ZBTB20: variants seen among roughly 807,000 people sequenced by gnomAD.
ZBTB20 encodes zinc finger and BTB domain-containing protein 20.
A neutral mutation model predicts 56.9 loss-of-function variants in ZBTB20; 9 were observed. The ratio of observed to expected loss-of-function variants is 0.16; its 90% confidence interval spans 0.10 to 0.28. The LOEUF (loss-of-function observed/expected upper bound fraction) is 0.28. Ranked by LOEUF, ZBTB20 falls within the 10% of genes least tolerant of loss-of-function variation. The pLI is 1.00. For synonymous variants in ZBTB20, 417 were observed against 420.7 expected, an observed-to-expected ratio of 0.99 and a Z score of 0.11; for missense variants, 655 against 1,003.0, an observed-to-expected ratio of 0.65 and a Z score of 4.69.
Position 114,316,685 on chromosome 3 carries a change from TTTTCAATGCAGAAAAACTGTAA to T in ZBTB20, c.*22298_*22319del. 2.5e-6 allele frequency: 1 copy of T among 402,602 alleles called. No homozygotes were observed. The highest frequency in any genetic ancestry group is 2.0e-5 in the South Asian group (1 of 51,100). The allele number at this position is 402,602 out of a possible 1,614,324, so 24.9% of individuals were successfully genotyped here. On this transcript the variant is annotated 3_prime_UTR_variant, in exon 12 of 12. Transcript: ENST00000675478. ...GCTTTAATTTATTTTTTAAAGTGCA[TTTTCAATGCAGAAAAACTGTAA>T]TCCACTGATTCCTTGGAAAACATTT...
At chr3:114,843,840 C>A (rs1438926515) in intron 4 of ZBTB20, among the ~76,000 whole-genome samples, 4 of 48,288 alleles carry the variant, frequency 8.3e-5, no homozygotes, top group African/African-American at 1.9e-4. Flanking sequence ...TCACACCCGG[C>A]TAATTTTTTT....
intron 4 of ZBTB20, among the ~76,000 whole-genome samples, chr3:114,876,909 AC>A (rs1371120896): frequency 6.6e-6 from 1 of 152,176 alleles, no homozygotes; most frequent in African/African-American, 2.4e-5. Context: ...AGTACAGTGT[AC>A]TATTTATTAA....
At chr3:114,864,221 G>C (rs867652156) in intron 4 of ZBTB20, among the ~76,000 whole-genome samples, 4 of 151,962 alleles carry the variant, frequency 2.6e-5, no homozygotes, top group Admixed American at 6.6e-5. Context: ...TGATAAAACA[G>C]CCCCAGGAAT....
At chr3:114,524,472 G>A (rs2046988160) in intron 6 of ZBTB20, among the ~76,000 whole-genome samples, 1 of 151,916 alleles carries the variant, frequency 6.6e-6, no homozygotes. Context: ...GAGTGTTAGT[G>A]AGCTAGGGGC....
chr3:114,831,364 T>C (rs1025171818), intron 4 of ZBTB20, among the ~76,000 whole-genome samples: 3 of 151,918 alleles, frequency 2.0e-5, no homozygotes, highest in African/African-American at 7.2e-5. Context: ...CCTTGGTGAA[T>C]ATATTTAAAG....
At chr3:114,981,419 T>C (rs192260011) in intron 2 of ZBTB20, among the ~76,000 whole-genome samples, 2 of 152,242 alleles carry the variant, frequency 1.3e-5, no homozygotes, top group Admixed American at 6.6e-5. Context: ...ACAAGGTATT[T>C]GAGCTTTGAA....
intron 6 of ZBTB20, among the ~76,000 whole-genome samples, chr3:114,609,380 T>C (rs915098115): frequency 1.3e-5 from 2 of 152,246 alleles, no homozygotes; most frequent in Non-Finnish European, 2.9e-5. Flanking sequence ...ACTGTAGTTA[T>C]ATTACAAATT....
chr3:114,829,777 C>T (rs781385667), intron 4 of ZBTB20, among the ~76,000 whole-genome samples: 1 of 151,810 alleles, frequency 6.6e-6, no homozygotes, highest in Non-Finnish European at 1.5e-5. Context: ...TATGGCAGGT[C>T]TTACTCAGAG....
intron 7 of ZBTB20, among the ~76,000 whole-genome samples, chr3:114,469,156 T>C (rs1034372065): frequency 2.0e-5 from 3 of 152,004 alleles, no homozygotes; most frequent in African/African-American, 7.2e-5. Context: ...ATGCAGCTCA[T>C]AGGCCACTGA....
chr3:114,431,889 C>A (rs956311536), intron 7 of ZBTB20, among the ~76,000 whole-genome samples: 5 of 152,140 alleles, frequency 3.3e-5, no homozygotes, highest in African/African-American at 1.2e-4. Flanking sequence ...ACAGCATTCA[C>A]AGTAGCTTTT....
At chr3:115,107,635 A>G (rs1164834982) in intron 1 of ZBTB20, among the ~76,000 whole-genome samples, 1 of 152,180 alleles carries the variant, frequency 6.6e-6, no homozygotes, top group Non-Finnish European at 1.5e-5. Context: ...CCACAATCCC[A>G]TTACTGGGTA....
chr3:114,424,882 T>G (rs1334679985), intron 7 of ZBTB20, among the ~76,000 whole-genome samples: 1 of 152,226 alleles, frequency 6.6e-6, no homozygotes, highest in Non-Finnish European at 1.5e-5. Context: ...CAAACCGGCC[T>G]CTCAGTTTAG....
intron 6 of ZBTB20, among the ~76,000 whole-genome samples, chr3:114,551,800 C>T (rs568487736): frequency 2.0e-5 from 3 of 152,302 alleles, no homozygotes; most frequent in East Asian, 1.9e-4. Context: ...ATAGAGTAGA[C>T]GTGTCCCAAT....
intron 6 of ZBTB20, among the ~76,000 whole-genome samples, chr3:114,605,985 G>C (rs865808276): frequency 6.6e-6 from 1 of 152,168 alleles, no homozygotes; most frequent in Non-Finnish European, 1.5e-5. Flanking sequence ...AAGGTGATAA[G>C]GGAAGGCGGA....
chr3:114,763,556 C>T (rs1370591336), intron 5 of ZBTB20, among the ~76,000 whole-genome samples: 4 of 152,060 alleles, frequency 2.6e-5, no homozygotes, highest in Admixed American at 2.6e-4. Flanking sequence ...GTTAGAATGA[C>T]ACTAACTCTG....
chr3:114,438,992 A>G lies in ZBTB20; in HGVS notation c.-254-49887T>C, dbSNP rs1576764041. On this transcript the variant is annotated intron_variant, in intron 7 of 11. Coordinates refer to ENST00000675478, the MANE Select transcript of ZBTB20 (RefSeq NM_001348800.3). ...TCAGTTAACCCTGTCTTCCTACGGT[A>G]AGGACACAACTGAATTCTGCAACAA... is the stretch of plus-strand genomic sequence containing the variant. Among the ~76,000 whole-genome samples, 7 of 152,218 alleles carry G rather than the reference A, an allele frequency of 4.6e-5. No individual in the cohort carries two copies. In the South Asian group the frequency reaches 1.4e-3, roughly 32 times the overall value.
At chr3:115,075,475 TG>T (rs936565875) in intron 1 of ZBTB20, among the ~76,000 whole-genome samples, 1 of 152,216 alleles carries the variant, frequency 6.6e-6, no homozygotes, top group Non-Finnish European at 1.5e-5. Flanking sequence ...TTTTAAAGAC[TG>T]AATAATATTC....
In ZBTB20 at chr3:114,350,951, T is replaced by C; in HGVS notation, c.1127A>G (p.Asp376Gly). ...GCCTATGGAGGAGCTGACGCCCGAG[T>C]CGAAGCTTTCACCTTTGGGCTCACT... ...TESEPKGESFDSGVSSSIGTE... is the reference protein window; with the variant it reads ...TESEPKGESFGSGVSSSIGTE... Residue 376 changes from aspartate to glycine, a missense_variant, in exon 11 of 12, where the codon GAC (aspartate) becomes GGC (glycine). By Grantham distance (94) the Asp-to-Gly change is moderately conservative. This residue lies in a region of ZBTB20 where 156 missense variants were observed against 181.0 expected (regional missense o/e 0.86). Coordinates refer to ENST00000675478, the MANE Select transcript of ZBTB20 (RefSeq NM_001348800.3). 1 of 1,605,966 alleles carries C rather than the reference T, an allele frequency of 6.2e-7. No homozygotes were observed. Among genetic ancestry groups the C allele is most frequent in the Non-Finnish European group, 8.5e-7 (1 of 1,179,728 alleles).
rs971631736 is a variant in ZBTB20, at chr3:115,043,282, G to A, written c.-507+27937C>T. On this transcript the variant is annotated intron_variant, in intron 2 of 11. Transcript: ENST00000675478. ...TTGTTTAAAAAGTAGTTGAAGGCCA[G>A]GCATGGTGGCTCACACCTGTAATCC... Among the ~76,000 whole-genome samples, 57 of 152,098 alleles carry A rather than the reference G, an allele frequency of 3.7e-4. 1 individual carries two copies. Among genetic ancestry groups the A allele is most frequent in the African/African-American group, 1.4e-3 (57 of 41,410 alleles).
Sources: allele counts gnomAD v4.1 joint callset (sites outside exome capture counted in the v4.1 genomes callset), GRCh38; gene constraint gnomAD v4.1.1; regional missense constraint gnomAD v4.1.1; transcripts MANE v1.5; gene names NCBI Gene and HGNC (gene_info 2026-07-23, HGNC 2026-07-21).